The following ARAP2 variants were observed in gnomAD, a reference collection of about 807,000 sequenced individuals.
ARAP2 encodes ArfGAP with RhoGAP domain, ankyrin repeat and PH domain 2, also known as arf-GAP with Rho-GAP domain, ANK repeat and PH domain-containing protein 2.
Under a neutral mutation model 194.5 loss-of-function variants are expected in ARAP2, and 148 were observed. That is an observed-to-expected ratio of 0.76 (90% CI 0.67 to 0.87). The LOEUF (loss-of-function observed/expected upper bound fraction) is 0.87. ARAP2 is among the 40% of genes least tolerant of loss of function. The pLI is 0.00. For synonymous variants in ARAP2, 695 were observed against 683.5 expected, an observed-to-expected ratio of 1.02 and a Z score of -0.26; for missense variants, 2,128 against 1,989.7, an observed-to-expected ratio of 1.07 and a Z score of -1.32.
At chr4:36,174,894 T>C (rs900745461) in intron 9 of ARAP2, among the ~76,000 whole-genome samples, 3 of 152,202 alleles carry the variant, frequency 2.0e-5, no homozygotes, top group African/African-American at 7.2e-5. Context: ...CAACATTTGC[T>C]GTAATAGCTA....
intron 10 of ARAP2, chr4:36,005,854 T>G (rs2109296875): frequency 6.6e-6 from 1 of 152,182 alleles, no homozygotes; most frequent in African/African-American, 2.4e-5. Flanking sequence ...TCTTCAAAGG[T>G]TTAGGATCTC....
At chr4:36,108,812 A>G (rs565379428) in intron 26 of ARAP2, among the ~76,000 whole-genome samples, 5 of 152,094 alleles carry the variant, frequency 3.3e-5, no homozygotes, top group African/African-American at 1.2e-4. Context: ...ACTTTTTCTC[A>G]GTGCACTGAA....
intron 10 of ARAP2, among the ~76,000 whole-genome samples, chr4:36,165,694 A>C (rs990552063): frequency 3.0e-4 from 45 of 152,198 alleles, no homozygotes; most frequent in African/African-American, 1.1e-3. Flanking sequence ...GTTCTGATTT[A>C]TTCTGAATCT....
intron 9 of ARAP2, among the ~76,000 whole-genome samples, chr4:36,168,726 T>C (rs372241898): frequency 2.6e-5 from 4 of 152,134 alleles, no homozygotes; most frequent in African/African-American, 9.7e-5. Flanking sequence ...TTCACTGTAC[T>C]AGGAGAAACT....
chr4:36,019,809 A>G (rs1716572484), intron 5 of ARAP2, among the ~76,000 whole-genome samples: 2 of 152,160 alleles, frequency 1.3e-5, no homozygotes, highest in South Asian at 4.1e-4. Flanking sequence ...TATAAGATAT[A>G]GGAACAGGTT....
At chr4:36,178,450 G>A (rs749591526) in intron 8 of ARAP2, among the ~76,000 whole-genome samples, 1 of 152,134 alleles carries the variant, frequency 6.6e-6, no homozygotes, top group African/African-American at 2.4e-5. Flanking sequence ...CAAAGACCCC[G>A]AAAATCCTAC....
intron 8 of ARAP2, among the ~76,000 whole-genome samples, chr4:36,014,275 A>AG (rs770828217): frequency 3.4e-5 from 5 of 146,762 alleles, no homozygotes; most frequent in Non-Finnish European, 7.5e-5. Context: ...GAAAGAAAGA[A>AG]AGAAAGAAAG....
At chr4:36,127,934 C>T (rs1403981575) in intron 21 of ARAP2, among the ~76,000 whole-genome samples, 1 of 151,812 alleles carries the variant, frequency 6.6e-6, no homozygotes, top group Admixed American at 6.6e-5. Flanking sequence ...TTTAAATCAT[C>T]GGAGGTTAAA....
intron 5 of ARAP2, among the ~76,000 whole-genome samples, chr4:36,031,666 C>CTTTTTTTT (rs67436021): frequency 6.8e-6 from 1 of 146,228 alleles, no homozygotes; most frequent in Non-Finnish European, 1.5e-5. Flanking sequence ...GATTTAAAAT[C>CTTTTTTTT]TTTTTTTTTT....
chr4:36,017,056 T>C (rs1252103137), intron 6 of ARAP2, among the ~76,000 whole-genome samples: 2 of 151,926 alleles, frequency 1.3e-5, no homozygotes, highest in Non-Finnish European at 2.9e-5. Flanking sequence ...CTATTTGAAA[T>C]TGCACAAGCC....
intron 2 of ARAP2, among the ~76,000 whole-genome samples, chr4:36,226,464 C>A (rs900405310): frequency 3.3e-5 from 5 of 152,128 alleles, no homozygotes; most frequent in Non-Finnish European, 5.9e-5. Context: ...GAAGTTGAGA[C>A]CAAAGAATTC....
At chr4:36,064,004 C>G (rs908296776), downstream of ARAP2, among the ~76,000 whole-genome samples, 1 of 152,044 alleles carries the variant, frequency 6.6e-6, no homozygotes, top group Non-Finnish European at 1.5e-5. Context: ...AATATAGTTA[C>G]GTTCATAAGT....
At chr4:36,167,111 TA>T in intron 9 of ARAP2, 64 bp from the exon 10 acceptor site, 1 of 988,270 alleles carries the variant, frequency 1.0e-6, no homozygotes, top group South Asian at 1.7e-5. Flanking sequence ...AAAGTATAAT[TA>T]CATTTTCTAA....
At chr4:36,159,196 A>T in intron 14 of ARAP2, 135 bp downstream of exon 14, 1 of 895,888 alleles carries the variant, frequency 1.1e-6, no homozygotes, top group Non-Finnish European at 1.6e-6. Flanking sequence ...AGTCTTAGGC[A>T]TCTCCATCTT....
At chr4:36,233,168 A>G (rs180937715) in intron 1 of ARAP2, among the ~76,000 whole-genome samples, 6 of 152,308 alleles carry the variant, frequency 3.9e-5, no homozygotes, top group Middle Eastern at 3.4e-3. Context: ...CACAGATCCA[A>G]TTCTTAGATG....
chr4:36,217,752 GA>G (rs1460674833), intron 2 of ARAP2, among the ~76,000 whole-genome samples: 2 of 150,116 alleles, frequency 1.3e-5, no homozygotes, highest in Non-Finnish European at 3.0e-5. Context: ...CCATTACTGA[GA>G]AAATTAGAAA....
chr4:36,146,919 T>G (rs879502050), intron 19 of ARAP2, among the ~76,000 whole-genome samples: 11 of 152,090 alleles, frequency 7.2e-5, no homozygotes. Context: ...AAGTTTTAGC[T>G]ATGCATGACC....
chr4:36,225,369 G>A (rs1398290635), intron 2 of ARAP2, among the ~76,000 whole-genome samples: 1 of 152,060 alleles, frequency 6.6e-6, no homozygotes, highest in Non-Finnish European at 1.5e-5. Context: ...CCTGCCTGGG[G>A]CACTAAGAAG....
chr4:36,060,159 T>A (rs757213688), intron 1 of ARAP2, among the ~76,000 whole-genome samples: 1 of 152,138 alleles, frequency 6.6e-6, no homozygotes, highest in African/African-American at 2.4e-5. Context: ...AGTTTGTGTG[T>A]CTCTGTAGTC....
Sources: allele counts gnomAD v4.1 joint callset (sites outside exome capture counted in the v4.1 genomes callset), GRCh38; gene constraint gnomAD v4.1.1; transcripts MANE v1.5; gene names NCBI Gene and HGNC (gene_info 2026-07-23, HGNC 2026-07-21).